KIAA1328: variants seen among roughly 807,000 people sequenced by gnomAD.
KIAA1328 encodes KIAA1328.
In KIAA1328, 52 loss-of-function variants were observed where a neutral mutation model predicts 68.1. The ratio of observed to expected loss-of-function variants is 0.76; its 90% CI spans 0.61 to 0.96. The LOEUF is 0.96. KIAA1328 is among the 40% of genes least tolerant of loss of function. KIAA1328 has a pLI of 0.00. For synonymous variants in KIAA1328, 232 were observed against 239.4 expected (o/e 0.97, Z 0.28); for missense variants, 641 against 677.6 (o/e 0.95, Z 0.60).
At chr18:36,878,868 G>A (rs2048231955) in intron 4 of KIAA1328, among the ~76,000 whole-genome samples, 1 of 152,132 alleles carries the variant, frequency 6.6e-6, no homozygotes, top group South Asian at 2.1e-4. Flanking sequence ...GCTCCATCAG[G>A]TCATTTATGT....
Position 36,835,324 on chromosome 18 carries a change from C to A in KIAA1328, c.185C>A (p.Ala62Asp). Residue 62 changes from alanine (A) to aspartate (D), a missense_variant, in exon 3 of 10, where the codon GCT (alanine) becomes GAT (aspartate). Physicochemically the swap from Ala to Asp is moderately radical, Grantham distance 126. Coordinates refer to ENST00000280020, the MANE Select transcript of KIAA1328 (RefSeq NM_020776.3). ...CTTAAGACTTCCAGGGTGACTGATG[C>A]TTCAATCTCCATGGAGTCCTTAAAA... ...VKLKTSRVTD[A>D]SISMESLKGT... 1 of 1,613,678 alleles carries A rather than the reference C, an allele frequency of 6.2e-7. No homozygotes were observed. The highest frequency in any genetic ancestry group is 1.1e-5 in the South Asian group (1 of 91,062).
chr18:37,087,991 G>A (rs1025248426), intron 7 of KIAA1328, among the ~76,000 whole-genome samples: 2 of 152,156 alleles, frequency 1.3e-5, no homozygotes, highest in Admixed American at 6.5e-5. Context: ...AGGAGGACAC[G>A]TTGGCTTTTC....
chr18:36,836,312 T>A (rs1189312134), intron 3 of KIAA1328, among the ~76,000 whole-genome samples: 2 of 152,210 alleles, frequency 1.3e-5, no homozygotes, highest in Non-Finnish European at 2.9e-5. Flanking sequence ...TTTCACATAA[T>A]GGTTGATTTG....
At position 36,891,766 on chromosome 18, in the gene KIAA1328, C is replaced by G. The variant is rs117545685; in HGVS notation, c.448+6094C>G. 2.3e-3 allele frequency among the ~76,000 whole-genome samples: 343 copies of G among 152,292 alleles called. 3 individuals carry two copies. Among genetic ancestry groups the G allele is most frequent in the Admixed American group, 0.017 (267 of 15,298 alleles). ...CTATTGCGAACTGTGCTGCTATAAA[C>G]ATCCATGTGCATGTGTCCTTTTCAT... On this transcript the variant is annotated intron_variant, in intron 5 of 9. Coordinates refer to ENST00000280020, the MANE Select transcript of KIAA1328 (RefSeq NM_020776.3).
chr18:37,160,419 GT>G, intron 8 of KIAA1328, 38 bp downstream of exon 8: 1 of 1,549,502 alleles, frequency 6.5e-7, no homozygotes, highest in Non-Finnish European at 8.8e-7. Flanking sequence ...TGAGAAACTG[GT>G]AGGGGAAGGT....
At chr18:36,973,215 A>G (rs1345779198) in intron 6 of KIAA1328, among the ~76,000 whole-genome samples, 3 of 152,004 alleles carry the variant, frequency 2.0e-5, no homozygotes, top group East Asian at 1.9e-4. Flanking sequence ...TGAGCAAACT[A>G]TCCCAAGGAC....
chr18:36,946,502 C>G (rs1473189796), intron 5 of KIAA1328: 1 of 152,122 alleles, frequency 6.6e-6, no homozygotes, highest in East Asian at 1.9e-4. Context: ...AATTTGCTTT[C>G]CAACAAGACC....
chr18:36,871,965 T>C (rs965750283), intron 4 of KIAA1328, among the ~76,000 whole-genome samples: 6 of 152,088 alleles, frequency 3.9e-5, no homozygotes, highest in African/African-American at 1.2e-4. Flanking sequence ...CCCCACTTGG[T>C]GAGAGCCCTG....
intron 4 of KIAA1328, among the ~76,000 whole-genome samples, chr18:36,883,455 A>C (rs1229586967): frequency 6.6e-6 from 1 of 152,204 alleles, no homozygotes; most frequent in Non-Finnish European, 1.5e-5. Flanking sequence ...CTATGCCAGC[A>C]ATCCTACAAA....
chr18:37,188,632 A>C (rs1373935291), intron 9 of KIAA1328, among the ~76,000 whole-genome samples: 1 of 152,144 alleles, frequency 6.6e-6, no homozygotes, highest in African/African-American at 2.4e-5. Context: ...CTAGAGCTTC[A>C]TTGCTTTTCC....
chr18:36,956,145 A>G (rs1467327191), intron 5 of KIAA1328, among the ~76,000 whole-genome samples: 1 of 152,076 alleles, frequency 6.6e-6, no homozygotes, highest in African/African-American at 2.4e-5. Context: ...CTACATGATT[A>G]TTTTCCACAA....
downstream of KIAA1328, chr18:37,230,431 A>C (rs563728431): frequency 2.6e-5 from 4 of 152,162 alleles, no homozygotes; most frequent in African/African-American, 7.2e-5. Context: ...GAGCTTTCTC[A>C]GCCCTCTGTA....
intron 5 of KIAA1328, among the ~76,000 whole-genome samples, chr18:36,906,854 T>C (rs1375980202): frequency 2.0e-5 from 3 of 152,142 alleles, no homozygotes; most frequent in African/African-American, 7.2e-5. Flanking sequence ...TGTGTTTAGC[T>C]TTGTAAGATG....
chr18:37,100,508 A>G (rs1048791226), intron 7 of KIAA1328, among the ~76,000 whole-genome samples: 1 of 152,214 alleles, frequency 6.6e-6, no homozygotes, highest in Non-Finnish European at 1.5e-5. Context: ...TGAGTAGGTA[A>G]ACAAAGCGGC....
chr18:37,193,913 A>C (rs533226055), intron 9 of KIAA1328, among the ~76,000 whole-genome samples: 1 of 152,294 alleles, frequency 6.6e-6, no homozygotes, highest in African/African-American at 2.4e-5. Context: ...ATAATTATGC[A>C]TATACAGTCT....
intron 9 of KIAA1328, among the ~76,000 whole-genome samples, chr18:37,185,720 T>TACACACAC (rs34348149): frequency 6.7e-6 from 1 of 149,486 alleles, no homozygotes; most frequent in African/African-American, 2.5e-5. Context: ...TACTGATATA[T>TACACACAC]ACACACACAC....
At chr18:37,160,540 A>G (rs867773065) in intron 8 of KIAA1328, among the ~76,000 whole-genome samples, 159 bp downstream of exon 8, 7 of 152,220 alleles carry the variant, frequency 4.6e-5, no homozygotes, top group Non-Finnish European at 7.3e-5. Context: ...TTACTAGATT[A>G]GTGAATTGTG....
intron 7 of KIAA1328, among the ~76,000 whole-genome samples, chr18:37,131,050 T>C (rs991948117): frequency 1.3e-5 from 2 of 152,178 alleles, no homozygotes; most frequent in Non-Finnish European, 2.9e-5. Flanking sequence ...ATAGATTAAA[T>C]CACAATAGGG....
rs535855112 is a variant in KIAA1328, at chr18:36,866,006, C to G, written c.333-19551C>G. 4.6e-5 allele frequency among the ~76,000 whole-genome samples: 7 copies of G among 152,302 alleles called. No individual in the cohort carries two copies. In the South Asian group the frequency reaches 6.2e-4, roughly 14 times the overall value. Reference sequence around the variant, plus strand: ...CCTGCTCTCTGCCTGGGCTCTGATGCTACACATGGGGCTGCCCCGCTGAGT... The same window carrying G: ...CCTGCTCTCTGCCTGGGCTCTGATGGTACACATGGGGCTGCCCCGCTGAGT... On this transcript the variant is annotated intron_variant, in intron 4 of 9. Coordinates refer to ENST00000280020, the MANE Select transcript of KIAA1328 (RefSeq NM_020776.3).
Sources: gnomAD v4.1 joint callset for allele counts (sites outside exome capture counted in the v4.1 genomes callset) on GRCh38, gnomAD v4.1.1 for gene constraint, MANE v1.5 for transcripts, NCBI Gene and HGNC (gene_info 2026-07-23, HGNC 2026-07-21) for gene names.